Variants in CRYBG1 observed in about 807,000 individuals in gnomAD.
The protein encoded by CRYBG1 is beta/gamma crystallin domain-containing protein 1.
In CRYBG1, 139 loss-of-function variants were observed where a neutral mutation model predicts 189.2. That is an observed-to-expected ratio of 0.73 (90% CI 0.64 to 0.85). The LOEUF (loss-of-function observed/expected upper bound fraction) is 0.85. Among genes scored for constraint, CRYBG1 ranks in the 40% least tolerant of loss-of-function variants. CRYBG1 has a pLI of 0.00. For missense variants in CRYBG1, 2,611 were observed against 2,675.8 expected, an observed-to-expected ratio of 0.98 and a Z score of 0.53; for synonymous variants, 1,023 against 1,017.1, an observed-to-expected ratio of 1.01 and a Z score of -0.11.
rs575261434 is a variant in CRYBG1 at position 106,546,524 on chromosome 6, T to C, written c.5312+1591T>C. ...AAAGTTGATGAACATGCTTAACTTT[T>C]ACTCTTAGTAAATAGAGTAAAAAAA... On this transcript the variant is annotated intron_variant, in intron 13 of 21. Transcript: ENST00000633556. Among the ~76,000 whole-genome samples, 3 of 152,326 alleles carry C rather than the reference T, an allele frequency of 2.0e-5. No individual in the cohort carries two copies. The East Asian group carries it at 5.8e-4, about 29-fold the overall frequency.
intron 2 of CRYBG1, among the ~76,000 whole-genome samples, chr6:106,508,368 C>T (rs560605322): frequency 6.6e-6 from 1 of 152,260 alleles, no homozygotes. Flanking sequence ...CTTAAATGTA[C>T]AGTTTGATGA....
chr6:106,486,387 T>C (rs1157470234), intron 2 of CRYBG1, among the ~76,000 whole-genome samples: 1 of 152,164 alleles, frequency 6.6e-6, no homozygotes, highest in Non-Finnish European at 1.5e-5. Flanking sequence ...TCCTGAAGAA[T>C]ATTCTATGTG....
At chr6:106,375,405 GTAAGTAAGTAAGTAAGTAAA>G (rs759121319) in intron 1 of CRYBG1, among the ~76,000 whole-genome samples, 23 of 138,230 alleles carry the variant, frequency 1.7e-4, no homozygotes, top group African/African-American at 4.9e-4. Context: ...AAGTAAGTAA[GTAAGTAAGTAAGTAAGTAAA>G]TAAATAAATA....
rs1018425647 is a variant in CRYBG1, at chr6:106,511,552, T to C, written c.435T>C (p.Asn145=). The C allele has an allele frequency of 1.3e-6, 2 of 1,535,604 alleles. No individual in the cohort carries two copies. The highest frequency in any genetic ancestry group is 2.7e-5 in the African/African-American group (2 of 73,010). The change falls in exon 3 of 22, where the codon AAT becomes AAC. Residue 145 remains asparagine (N), a synonymous_variant. Coordinates refer to ENST00000633556, the MANE Select transcript of CRYBG1 (RefSeq NM_001371242.2). ...GGTTAGAGAGTCCCACCAGATCAAA[T>C]GCCAAACCACTCTCTCCCAAAGATG... ...RNGLESPTRS[N]AKPLSPKDVV...
rs1379967083 is a variant in CRYBG1, at chr6:106,544,671, C to T, written c.5140C>T (p.Leu1714Phe). ...AGCCTGGGGAGGTTACAATGGAGAG[C>T]TTCAGTCTTTACGACCTATATTAGG... is the stretch of plus-strand genomic sequence containing the variant. ...WKAWGGYNGE[L>F]QSLRPILGDF... The change falls in exon 12 of 22, where the codon CTT (leucine) becomes TTT (phenylalanine). Residue 1714 changes from leucine (L) to phenylalanine (F), a missense_variant. Leu to Phe is a conservative substitution (Grantham distance 22, BLOSUM62 0). Transcript: ENST00000633556. 1.2e-6 allele frequency: 2 copies of T among 1,613,906 alleles called. No homozygotes were observed. Among genetic ancestry groups the T allele is most frequent in the Admixed American group, 1.7e-5 (1 of 59,978 alleles).
chr6:106,505,078 A>T (rs1031714157), intron 2 of CRYBG1, among the ~76,000 whole-genome samples: 18 of 150,748 alleles, frequency 1.2e-4, no homozygotes, highest in African/African-American at 4.4e-4. Context: ...GACAACAGGC[A>T]TGCCCCACCT....
intron 2 of CRYBG1, among the ~76,000 whole-genome samples, chr6:106,479,628 AAATAGTATCTCATTG>A: frequency 6.6e-6 from 1 of 152,230 alleles, no homozygotes; most frequent in Non-Finnish European, 1.5e-5. Flanking sequence ...AGTGGGTGTG[AAATAGTATCTCATTG>A]TGGTTTTGAT....
intron 2 of CRYBG1, among the ~76,000 whole-genome samples, chr6:106,479,558 G>A (rs1195433176): frequency 6.6e-6 from 1 of 152,138 alleles, no homozygotes; most frequent in African/African-American, 2.4e-5. Flanking sequence ...TAATGTATAA[G>A]GGTTCCTTTT....
intron 2 of CRYBG1, among the ~76,000 whole-genome samples, chr6:106,498,979 G>A (rs1422996358): frequency 4.0e-5 from 6 of 151,624 alleles, no homozygotes. Flanking sequence ...ATGCCCTGGG[G>A]AAAAATAAGC....
Position 106,520,588 on chromosome 6 carries a change from A to C in CRYBG1, c.3380A>C (p.Lys1127Thr). The C allele has an allele frequency of 1.9e-6, 3 of 1,614,082 alleles. No individual in the cohort carries two copies. Among genetic ancestry groups the C allele is most frequent in the Middle Eastern group, 1.6e-4 (1 of 6,062 alleles). Residue 1127 changes from lysine to threonine, a missense_variant, in exon 4 of 22, where the codon AAG becomes ACG. This residue lies in a region of CRYBG1 where 1,622 missense variants were observed against 1,735.0 expected (regional missense o/e 0.93). Transcript: ENST00000633556. The part of the protein sequence containing the change: ...SAVCMPMKRK[K>T]ARMPNSPAPH... ...GTTTGTATGCCCATGAAAAGAAAGAAGGCCAGGATGCCAAACTCTCCTGCT... is the reference window on the plus strand; with the variant it reads ...GTTTGTATGCCCATGAAAAGAAAGACGGCCAGGATGCCAAACTCTCCTGCT...
intron 1 of CRYBG1, among the ~76,000 whole-genome samples, chr6:106,371,894 C>A (rs1412610955): frequency 6.6e-6 from 1 of 152,220 alleles, no homozygotes; most frequent in Non-Finnish European, 1.5e-5. Context: ...TAATTGTATC[C>A]TTTCCTGTTG....
intron 1 of CRYBG1, among the ~76,000 whole-genome samples, chr6:106,400,051 G>A (rs138276057): frequency 0.01 from 1,541 of 149,534 alleles, 15 homozygotes; most frequent in African/African-American, 0.036. Context: ...TGGGAGAATC[G>A]CTTGAACCCA....
chr6:106,504,823 A>G (rs1562092555), intron 2 of CRYBG1, among the ~76,000 whole-genome samples: 1 of 152,088 alleles, frequency 6.6e-6, no homozygotes, highest in South Asian at 2.1e-4. Context: ...ATCCTCCCTT[A>G]AACTTAACTT....
chr6:106,405,349 G>A (rs1363990140), intron 1 of CRYBG1, among the ~76,000 whole-genome samples: 1 of 152,198 alleles, frequency 6.6e-6, no homozygotes, highest in Non-Finnish European at 1.5e-5. Flanking sequence ...TCCTCTCTGG[G>A]CAGGGCATCT....
intron 1 of CRYBG1, among the ~76,000 whole-genome samples, chr6:106,401,180 G>A (rs1413727246): frequency 2.0e-5 from 3 of 152,116 alleles, no homozygotes; most frequent in Non-Finnish European, 2.9e-5. Flanking sequence ...CCTCTTACCC[G>A]TTTTCAACCT....
At chr6:106,453,972 C>G (rs9486352) in intron 2 of CRYBG1, among the ~76,000 whole-genome samples, 2,276 of 152,232 alleles carry the variant, frequency 0.015, 47 homozygotes, top group African/African-American at 0.052. Flanking sequence ...GTGGTTCAGG[C>G]GACCCTGTCT....
At chr6:106,535,795 T>TTTTTTTTTTTTTTTTTTTG in intron 8 of CRYBG1, among the ~76,000 whole-genome samples, 1 of 552 alleles carries the variant, frequency 1.8e-3, no homozygotes, top group Non-Finnish European at 3.7e-3. Flanking sequence ...TTTTTTTTTT[T>TTTTTTTTTTTTTTTTTTTG]GAGACGGAGT....
At chr6:106,502,980 A>G (rs1420524326) in intron 2 of CRYBG1, among the ~76,000 whole-genome samples, 1 of 152,196 alleles carries the variant, frequency 6.6e-6, no homozygotes, top group African/African-American at 2.4e-5. Context: ...ACCTCAAGCA[A>G]TAGCTAATGA....
chr6:106,554,558 G>A (rs1264254529), intron 16 of CRYBG1, among the ~76,000 whole-genome samples: 4 of 152,122 alleles, frequency 2.6e-5, no homozygotes, highest in Non-Finnish European at 4.4e-5. Flanking sequence ...GTTGCAGTAA[G>A]TTGAGATCAT....
Sources: gnomAD v4.1 joint callset for allele counts (sites outside exome capture counted in the v4.1 genomes callset) on GRCh38, gnomAD v4.1.1 for gene constraint, gnomAD v4.1.1 regional missense constraint, MANE v1.5 for transcripts, NCBI Gene and HGNC (gene_info 2026-07-23, HGNC 2026-07-21) for gene names.